The following CCDC7 variants were observed in gnomAD, a reference collection of about 807,000 sequenced individuals.
CCDC7 encodes coiled-coil domain-containing protein 7.
Under a neutral mutation model 196.9 loss-of-function variants are expected in CCDC7, and 183 were observed. The ratio of observed to expected loss-of-function variants is 0.93; its 90% CI spans 0.82 to 1.05. The LOEUF (loss-of-function observed/expected upper bound fraction) is 1.05. Ranked by LOEUF, CCDC7 falls within the 50% of genes least tolerant of loss-of-function variation. The pLI is 0.00. For synonymous variants in CCDC7, 525 were observed against 484.6 expected (o/e 1.08, Z -1.10); for missense variants, 1,540 against 1,482.2 (o/e 1.04, Z -0.64).
rs563577546 is a variant in CCDC7, at chr10:32,814,195, A to T, written c.3098-175A>T. ...ATGGTCTCGATCTCTTGACCTCATG[A>T]TCCACCTGCACTTTGGCCTCCCAAA... On this transcript the variant is annotated intron_variant, in intron 30 of 41. Transcript: ENST00000639629. 5.8e-4 allele frequency among the ~76,000 whole-genome samples: 88 copies of T among 152,230 alleles called. 2 individuals carry two copies. Among genetic ancestry groups the T allele is most frequent in the South Asian group, 4.1e-4 (2 of 4,822 alleles).
intron 3 of CCDC7, among the ~76,000 whole-genome samples, chr10:32,461,723 ATATATATG>A (rs1420975227): frequency 4.3e-5 from 1 of 23,100 alleles, no homozygotes; most frequent in Non-Finnish European, 1.1e-4. Context: ...ATATATATAT[ATATATATG>A]TATATATATA....
intron 13 of CCDC7, among the ~76,000 whole-genome samples, chr10:32,546,935 C>G (rs2052562822): frequency 6.6e-6 from 1 of 152,190 alleles, no homozygotes; most frequent in Non-Finnish European, 1.5e-5. Flanking sequence ...TCTGCAGTTT[C>G]CTGCCACATG....
chr10:32,513,488 CTA>C (rs2046544419), intron 9 of CCDC7: 1 of 152,024 alleles, frequency 6.6e-6, no homozygotes, highest in African/African-American at 2.4e-5. Flanking sequence ...TCAATTCATT[CTA>C]TGAGATTAGT....
chr10:32,827,712 G>A (rs758051184), intron 32 of CCDC7, among the ~76,000 whole-genome samples: 19 of 152,136 alleles, frequency 1.2e-4, no homozygotes, highest in Non-Finnish European at 2.6e-4. Flanking sequence ...GTTAATGGGT[G>A]CAGCAAACCA....
chr10:32,761,665 AT>A (rs1427753526), intron 28 of CCDC7, among the ~76,000 whole-genome samples: 1 of 151,996 alleles, frequency 6.6e-6, no homozygotes, highest in Non-Finnish European at 1.5e-5. Context: ...TGAAAACCAT[AT>A]CCAGAGTCTC....
At chr10:32,607,902 T>G (rs2061697854) in intron 18 of CCDC7, among the ~76,000 whole-genome samples, 1 of 152,200 alleles carries the variant, frequency 6.6e-6, no homozygotes, top group Non-Finnish European at 1.5e-5. Flanking sequence ...TTTCTCTTTA[T>G]GAGTTTGGTA....
chr10:32,637,370 G>A (rs533594405), intron 20 of CCDC7, among the ~76,000 whole-genome samples: 4 of 152,214 alleles, frequency 2.6e-5, no homozygotes, highest in South Asian at 2.1e-4. Flanking sequence ...TAGGTCTAAT[G>A]TTTAAGTATT....
At chr10:32,745,181 C>T (rs145271061) in intron 28 of CCDC7, among the ~76,000 whole-genome samples, 1 of 152,276 alleles carries the variant, frequency 6.6e-6, no homozygotes, top group Non-Finnish European at 1.5e-5. Flanking sequence ...ATCTATTTGT[C>T]TATTCTTTTT....
chr10:32,790,129 A>G lies in CCDC7; in HGVS notation c.3013+11045A>G, dbSNP rs567910137. On this transcript the variant is annotated intron_variant, in intron 29 of 41. Transcript: ENST00000639629. ...TGCAGCTTTCCCAGACTGGCATTAC[A>G]CCTTAGTGGTCTACAGTTTTGAAAT... Among the ~76,000 whole-genome samples, 4 of 151,982 alleles carry G rather than the reference A, an allele frequency of 2.6e-5. No homozygotes were observed. In the East Asian group the frequency reaches 7.8e-4, roughly 30 times the overall value.
At chr10:32,705,901 A>G (rs1024595496) in intron 24 of CCDC7, among the ~76,000 whole-genome samples, 1 of 152,070 alleles carries the variant, frequency 6.6e-6, no homozygotes, top group Admixed American at 6.6e-5. Flanking sequence ...TCAACATTAG[A>G]CAGATCAACG....
chr10:32,458,241 G>C (rs1366254885), intron 3 of CCDC7, among the ~76,000 whole-genome samples: 1 of 152,008 alleles, frequency 6.6e-6, no homozygotes, highest in Non-Finnish European at 1.5e-5. Context: ...TCATTCTTCT[G>C]CCTATGGATA....
At chr10:32,759,657 G>C (rs2077095568) in intron 28 of CCDC7, among the ~76,000 whole-genome samples, 1 of 152,128 alleles carries the variant, frequency 6.6e-6, no homozygotes, top group Admixed American at 6.5e-5. Context: ...GAAAACCTAG[G>C]CAATACCTTT....
chr10:32,489,182 G>T (rs953818), intron 8 of CCDC7, among the ~76,000 whole-genome samples: 52,337 of 152,110 alleles, frequency 0.34, 11,464 homozygotes, highest in Non-Finnish European at 0.5. Flanking sequence ...AAGGAGCTTG[G>T]ATCTGGGAGC....
At chr10:32,516,446 C>T (rs1480984562) in intron 9 of CCDC7, among the ~76,000 whole-genome samples, 2 of 152,096 alleles carry the variant, frequency 1.3e-5, no homozygotes, top group Admixed American at 1.3e-4. Flanking sequence ...TGCCACCACA[C>T]CCGGCTAATT....
chr10:32,609,080 A>T (rs2061826644), intron 18 of CCDC7, among the ~76,000 whole-genome samples: 1 of 152,150 alleles, frequency 6.6e-6, no homozygotes, highest in Non-Finnish European at 1.5e-5. Flanking sequence ...GAAGATGCAT[A>T]TTCTGTAGCT....
intron 29 of CCDC7, among the ~76,000 whole-genome samples, chr10:32,783,291 C>T (rs959997025): frequency 1.3e-5 from 2 of 152,040 alleles, no homozygotes; most frequent in Non-Finnish European, 1.5e-5. Context: ...CTAGAATATA[C>T]AAGGAAGTTT....
intron 20 of CCDC7, among the ~76,000 whole-genome samples, chr10:32,651,211 G>A (rs1041333036): frequency 6.6e-6 from 1 of 152,200 alleles, no homozygotes; most frequent in African/African-American, 2.4e-5. Flanking sequence ...GAGGTTTGCA[G>A]TAAGATTGAG....
At chr10:32,747,910 T>C (rs1218678164) in intron 28 of CCDC7, among the ~76,000 whole-genome samples, 1 of 152,182 alleles carries the variant, frequency 6.6e-6, no homozygotes, top group Non-Finnish European at 1.5e-5. Flanking sequence ...GACACATGCA[T>C]GTGCATGTTC....
At chr10:32,777,259 A>G (rs2080217143) in intron 28 of CCDC7, among the ~76,000 whole-genome samples, 1 of 152,080 alleles carries the variant, frequency 6.6e-6, no homozygotes, top group South Asian at 2.1e-4. Context: ...TATGTACCAC[A>G]TTTTCTATAT....
Sources: allele counts gnomAD v4.1 joint callset (sites outside exome capture counted in the v4.1 genomes callset), GRCh38; gene constraint gnomAD v4.1.1; transcripts MANE v1.5; gene names NCBI Gene and HGNC (gene_info 2026-07-23, HGNC 2026-07-21).